Variants in PXDNL observed in about 807,000 individuals in gnomAD.
The protein encoded by PXDNL is probable oxidoreductase PXDNL.
Under a neutral mutation model 150.8 loss-of-function variants are expected in PXDNL, and 145 were observed. The ratio of observed to expected loss-of-function variants is 0.96; its 90% CI spans 0.84 to 1.10. The LOEUF (loss-of-function observed/expected upper bound fraction) is 1.10. PXDNL is among the 50% of genes least tolerant of loss of function. The pLI, the probability that PXDNL is intolerant of heterozygous loss-of-function variation, is 0.00. For missense variants in PXDNL, 2,087 were observed against 1,873.9 expected (o/e 1.11, Z -2.10); for synonymous variants, 757 against 725.7 (o/e 1.04, Z -0.69).
chr8:51,666,092 C>G (rs1316791995), intron 1 of PXDNL, among the ~76,000 whole-genome samples: 1 of 152,184 alleles, frequency 6.6e-6, no homozygotes, highest in Admixed American at 6.6e-5. Flanking sequence ...AGCTAACCTC[C>G]TCCTTTACCA....
rs1361199442 is a variant in PXDNL at position 51,378,136 on chromosome 8, C to G, written c.3558-3405G>C. 3.3e-5 allele frequency among the ~76,000 whole-genome samples: 5 copies of G among 152,064 alleles called. No individual in the cohort carries two copies. The East Asian group carries it at 9.6e-4, about 29-fold the overall frequency. ...GTGGGGCGTTGGAGAACCTTTATGT[C>G]TAGCTAAGGGATTGTAAATACACCA... On this transcript the variant is annotated intron_variant, in intron 17 of 22. Transcript: ENST00000356297.
At chr8:51,497,266 C>T (rs1263697467) in intron 5 of PXDNL, among the ~76,000 whole-genome samples, 1 of 152,136 alleles carries the variant, frequency 6.6e-6, no homozygotes, top group African/African-American at 2.4e-5. Context: ...CTTCCTGACA[C>T]CTTATACAAA....
chr8:51,493,771 T>C (rs1475295698), intron 5 of PXDNL, among the ~76,000 whole-genome samples: 3 of 152,186 alleles, frequency 2.0e-5, no homozygotes, highest in Non-Finnish European at 4.4e-5. Context: ...CCAAGAAATA[T>C]GGGACTGTGT....
chr8:51,733,460 GA>G (rs1159801501), intron 1 of PXDNL, among the ~76,000 whole-genome samples: 1 of 152,034 alleles, frequency 6.6e-6, no homozygotes, highest in Non-Finnish European at 1.5e-5. Flanking sequence ...TTTGTTCTCA[GA>G]AAAGGAGGAA....
At chr8:51,806,046 T>C (rs1349774501) in intron 1 of PXDNL, among the ~76,000 whole-genome samples, 3 of 152,230 alleles carry the variant, frequency 2.0e-5, no homozygotes, top group Non-Finnish European at 4.4e-5. Context: ...CAGCAGGCTT[T>C]TTGGTAAATG....
intron 20 of PXDNL, among the ~76,000 whole-genome samples, chr8:51,342,100 C>A (rs1806002547): frequency 6.6e-6 from 1 of 151,980 alleles, no homozygotes; most frequent in South Asian, 2.1e-4. Context: ...TGTACACTGA[C>A]AAATGTGTTA....
At chr8:51,433,084 CT>C (rs1007499202) in intron 12 of PXDNL, among the ~76,000 whole-genome samples, 2 of 152,036 alleles carry the variant, frequency 1.3e-5, no homozygotes, top group Non-Finnish European at 2.9e-5. Context: ...CAGGGCGCCC[CT>C]GTAGTCCCAG....
chr8:51,412,562 G>A (rs886454011), intron 15 of PXDNL, among the ~76,000 whole-genome samples: 1 of 152,104 alleles, frequency 6.6e-6, no homozygotes, highest in African/African-American at 2.4e-5. Flanking sequence ...GACTCAATTT[G>A]GGATTTTACG....
At chr8:51,452,935 A>AATACATACACACACACACACAC (rs1554541856) in intron 10 of PXDNL, among the ~76,000 whole-genome samples, 2 of 142,674 alleles carry the variant, frequency 1.4e-5, no homozygotes, top group South Asian at 2.2e-4. Context: ...CACACACACA[A>AATACATACACACACACACACAC]ACACACACAC....
intron 1 of PXDNL, among the ~76,000 whole-genome samples, chr8:51,691,946 T>C (rs1455693866): frequency 6.6e-6 from 1 of 152,200 alleles, no homozygotes; most frequent in Non-Finnish European, 1.5e-5. Context: ...CAGGTCTCCA[T>C]TGAATTTATA....
At chr8:51,360,080 C>A (rs1806670391) in intron 19 of PXDNL, among the ~76,000 whole-genome samples, 1 of 149,496 alleles carries the variant, frequency 6.7e-6, no homozygotes. Flanking sequence ...TAAAGGCAAG[C>A]ATTTTCCACC....
At chr8:51,377,639 C>T (rs1174691543) in intron 17 of PXDNL, among the ~76,000 whole-genome samples, 1 of 152,214 alleles carries the variant, frequency 6.6e-6, no homozygotes, top group Admixed American at 6.5e-5. Context: ...CCGTCCCAGG[C>T]AGTGAGGGGC....
At chr8:51,538,125 C>G (rs1373565671) in intron 4 of PXDNL, among the ~76,000 whole-genome samples, 2 of 152,144 alleles carry the variant, frequency 1.3e-5, no homozygotes, top group Non-Finnish European at 2.9e-5. Context: ...AATTGCAATG[C>G]CCAAAACTGC....
intron 3 of PXDNL, among the ~76,000 whole-genome samples, chr8:51,562,596 G>C (rs1812739842): frequency 6.6e-6 from 1 of 151,402 alleles, no homozygotes; most frequent in Non-Finnish European, 1.5e-5. Context: ...TTTGGACCAA[G>C]GAGTGTTATA....
chr8:51,384,629 T>G (rs1807646483), intron 17 of PXDNL, among the ~76,000 whole-genome samples: 1 of 152,092 alleles, frequency 6.6e-6, no homozygotes, highest in South Asian at 2.1e-4. Context: ...GTAACAGAAA[T>G]AGCACAGAAA....
chr8:51,511,850 A>T (rs1811427932), intron 4 of PXDNL, among the ~76,000 whole-genome samples: 4 of 152,184 alleles, frequency 2.6e-5, no homozygotes, highest in African/African-American at 9.7e-5. Context: ...AAAACACAAG[A>T]AAAGAGAAGG....
At chr8:51,792,320 C>A (rs2037520643) in intron 1 of PXDNL, among the ~76,000 whole-genome samples, 1 of 152,156 alleles carries the variant, frequency 6.6e-6, no homozygotes, top group Non-Finnish European at 1.5e-5. Context: ...TCCTGGGAGC[C>A]ACACAGGGCA....
chr8:51,445,057 C>G (rs1174816457), intron 12 of PXDNL, among the ~76,000 whole-genome samples: 3 of 151,918 alleles, frequency 2.0e-5, no homozygotes, highest in Admixed American at 6.6e-5. Flanking sequence ...GTAGCTGGGA[C>G]TACAGGCACA....
intron 15 of PXDNL, 25 bp from the exon 16 acceptor site, chr8:51,411,432 C>A (rs761133122): frequency 1.9e-6 from 3 of 1,548,110 alleles, no homozygotes; most frequent in Admixed American, 2.3e-5. Flanking sequence ...ACACATGATT[C>A]TTTACAAGGC....
Sources: gnomAD v4.1 joint callset for allele counts (sites outside exome capture counted in the v4.1 genomes callset) on GRCh38, gnomAD v4.1.1 for gene constraint, MANE v1.5 for transcripts, NCBI Gene and HGNC (gene_info 2026-07-23, HGNC 2026-07-21) for gene names.